MINK1: variants seen among roughly 807,000 people sequenced by gnomAD.
The protein encoded by MINK1 is misshapen like kinase 1.
Under a neutral mutation model 178.4 loss-of-function variants are expected in MINK1, and 46 were observed. That is an observed-to-expected ratio of 0.26 (90% CI 0.20 to 0.33). MINK1 has a LOEUF of 0.33. MINK1 is among the 10% of genes least tolerant of loss of function. The pLI, the probability that MINK1 is intolerant of heterozygous loss-of-function variation, is 1.00. For synonymous variants in MINK1, 797 were observed against 709.7 expected, an observed-to-expected ratio of 1.12 and a Z score of -1.96; for missense variants, 1,366 against 1,814.9, an observed-to-expected ratio of 0.75 and a Z score of 4.49.
At chr17:4,863,803 T>TTAA (rs1209229508) in intron 1 of MINK1, among the ~76,000 whole-genome samples, 1 of 151,720 alleles carries the variant, frequency 6.6e-6, no homozygotes, top group Non-Finnish European at 1.5e-5. Context: ...ATTATTATTA[T>TTAA]TTTTGAGACG....
In MINK1 at chr17:4,886,998, C is replaced by G. The variant is rs528958641; in HGVS notation, c.950-112C>G. ...CATTGCCCCCAGGAAGTGGGTGGGGCCCCTCATGCTTGCCCAGCCAGAGAG... is the reference window on the plus strand; with the variant it reads ...CATTGCCCCCAGGAAGTGGGTGGGGGCCCTCATGCTTGCCCAGCCAGAGAG... On this transcript the variant is annotated intron_variant, in intron 10 of 31. Coordinates refer to ENST00000355280, the MANE Select transcript of MINK1 (RefSeq NM_153827.5). This position sits in a 1 kb window ranked among gnomAD's most constrained non-coding sequence, Gnocchi z 6.1. 2.2e-5 allele frequency: 25 copies of G among 1,138,256 alleles called. No individual in the cohort carries two copies. Among genetic ancestry groups the G allele is most frequent in the East Asian group, 1.3e-4 (5 of 38,748 alleles). 70.5% of individuals were successfully genotyped at this position (1,138,256 alleles called of 1,614,324 possible). A position where few individuals can be genotyped will look rare whatever the true frequency, so the allele number is the denominator to read the frequency against.
chr17:4,889,959 A>G, intron 13 of MINK1, 196 bp downstream of exon 13: 2 of 526,098 alleles, frequency 3.8e-6, no homozygotes, highest in Non-Finnish European at 3.2e-6. Context: ...TCCCTGCCTC[A>G]TTCCCATCTC....
At chr17:4,870,449 C>G (rs1256086385) in intron 1 of MINK1, among the ~76,000 whole-genome samples, 2 of 151,848 alleles carry the variant, frequency 1.3e-5, no homozygotes, top group Non-Finnish European at 2.9e-5. Flanking sequence ...TTGCATTTCT[C>G]CTATTATTAG....
chr17:4,859,168 G>C, intron 1 of MINK1: 2 of 985,390 alleles, frequency 2.0e-6, no homozygotes, highest in Non-Finnish European at 2.4e-6. Context: ...GTCTCCACTG[G>C]GCTGTTTAGT....
At position 4,896,891 on chromosome 17, in the gene MINK1, G is replaced by A; in HGVS notation, c.3915+78G>A. The A allele has an allele frequency of 1.4e-6, 2 of 1,480,560 alleles. No individual in the cohort carries two copies. The highest frequency in any genetic ancestry group is 2.8e-5 in the African/African-American group (2 of 70,720). The allele number at this position is 1,480,560 out of a possible 1,614,324, so 91.7% of individuals were successfully genotyped here. On this transcript the variant is annotated intron_variant, in intron 31 of 31. Coordinates refer to ENST00000355280, the MANE Select transcript of MINK1 (RefSeq NM_153827.5). The surrounding 1 kb of genome is among the most constrained non-coding windows in gnomAD (Gnocchi z 4.6). ...AGGCCCCTGGGCAGAGTTCTGGGGA[G>A]AGGATGGTGGTGGTGGCTTCCTGAA...
Position 4,887,804 on chromosome 17 carries a change from G to C in MINK1, c.1230+14G>C. On this transcript the variant is annotated intron_variant, in intron 12 of 31. Transcript: ENST00000355280. The surrounding 1 kb of genome is among the most constrained non-coding windows in gnomAD (Gnocchi z 7.6). ...CGCGTGGAGGAGGTGGGCTGTCTCC[G>C]AAGGGCCCAGGCCTGGCGCGGCCTC... 6.7e-7 allele frequency: 1 copy of C among 1,492,060 alleles called. No homozygotes were observed. The highest frequency in any genetic ancestry group is 8.9e-7 in the Non-Finnish European group (1 of 1,119,342). 92.4% of individuals were successfully genotyped at this position (1,492,060 alleles called of 1,614,324 possible). A position where few individuals can be genotyped will look rare whatever the true frequency, so the allele number is the denominator to read the frequency against.
chr17:4,897,081 C>G lies in MINK1; in HGVS notation c.3916-123C>G, dbSNP rs1043863308. Reference sequence around the variant, plus strand: ...TCCGGGTGAGGGGCACTGTGAGTCTCCTCCTGCAGTCTCTGTGTCTCCCTC... The same window carrying G: ...TCCGGGTGAGGGGCACTGTGAGTCTGCTCCTGCAGTCTCTGTGTCTCCCTC... On this transcript the variant is annotated intron_variant, in intron 31 of 31. Transcript: ENST00000355280. 8 of 926,354 alleles carry G rather than the reference C, an allele frequency of 8.6e-6. No individual in the cohort carries two copies. In the African/African-American group the frequency reaches 9.9e-5, roughly 11 times the overall value. The allele number at this position is 926,354 out of a possible 1,614,324, so 57.4% of individuals were successfully genotyped here. A position where few individuals can be genotyped will look rare whatever the true frequency, so the allele number is the denominator to read the frequency against.
Position 4,885,666 on chromosome 17 carries a change from T to C in MINK1, c.639+53T>C. The C allele has an allele frequency of 6.2e-7, 1 of 1,608,472 alleles. No individual in the cohort carries two copies. The highest frequency in any genetic ancestry group is 2.2e-5 in the East Asian group (1 of 44,810). On this transcript the variant is annotated intron_variant, in intron 7 of 31. Coordinates refer to ENST00000355280, the MANE Select transcript of MINK1 (RefSeq NM_153827.5). The surrounding 1 kb of genome is among the most constrained non-coding windows in gnomAD (Gnocchi z 5.0). ...GGGCTGCCAAGGGCGGGAAGCAATA[T>C]GGGGACCACGGGGCCTGAGCAGGCT... is the stretch of plus-strand genomic sequence containing the variant.
At chr17:4,872,080 C>T (rs776506966) in intron 1 of MINK1, among the ~76,000 whole-genome samples, 12 of 152,000 alleles carry the variant, frequency 7.9e-5, no homozygotes, top group Non-Finnish European at 1.5e-4. Flanking sequence ...CCTGTAATCC[C>T]GCACTTTGGG....
At chr17:4,854,768 C>G in intron 1 of MINK1, 1 of 495,198 alleles carries the variant, frequency 2.0e-6, no homozygotes, top group South Asian at 1.5e-5. Flanking sequence ...CATCGATAGA[C>G]AGAGGACAAG....
At chr17:4,835,652 A>G (rs1342540738) in intron 1 of MINK1, among the ~76,000 whole-genome samples, 1 of 152,078 alleles carries the variant, frequency 6.6e-6, no homozygotes, top group African/African-American at 2.4e-5. Flanking sequence ...AAACAAAAAA[A>G]CGGGGCGGGT....
At chr17:4,840,097 A>G (rs576363264) in intron 1 of MINK1, among the ~76,000 whole-genome samples, 2 of 151,862 alleles carry the variant, frequency 1.3e-5, no homozygotes, top group East Asian at 1.9e-4. Flanking sequence ...TGTGTCATGG[A>G]AAAAAAATTG....
At chr17:4,869,553 A>G (rs907356840) in intron 1 of MINK1, among the ~76,000 whole-genome samples, 6 of 152,012 alleles carry the variant, frequency 3.9e-5, no homozygotes, top group African/African-American at 1.4e-4. Context: ...CTCACATTAC[A>G]GGCGTGGGCC....
At chr17:4,844,691 A>C in intron 1 of MINK1, 1 of 368,026 alleles carries the variant, frequency 2.7e-6, no homozygotes, top group Non-Finnish European at 5.3e-6. Flanking sequence ...CGCTGGGTAG[A>C]TCACTGTGAT....
chr17:4,833,399 G>C lies in MINK1; in HGVS notation c.-185G>C. Reference sequence around the variant, plus strand: ...TGGTAGGCTCGGGTGGCTGGCTCCGGGGAGATAGCGCCTGTCAGTCGGTGG... The same window carrying C: ...TGGTAGGCTCGGGTGGCTGGCTCCGCGGAGATAGCGCCTGTCAGTCGGTGG... On this transcript the variant is annotated 5_prime_UTR_variant, in exon 1 of 32. Coordinates refer to ENST00000355280, the MANE Select transcript of MINK1 (RefSeq NM_153827.5). This position sits in a 1 kb window ranked among gnomAD's most constrained non-coding sequence, Gnocchi z 4.8. 1.9e-6 allele frequency: 1 copy of C among 539,748 alleles called. No individual in the cohort carries two copies. 33.4% of individuals were successfully genotyped at this position (539,748 alleles called of 1,614,324 possible).
chr17:4,880,768 T>G (rs1401342042), intron 2 of MINK1, among the ~76,000 whole-genome samples: 2 of 151,434 alleles, frequency 1.3e-5, no homozygotes, highest in African/African-American at 2.4e-5. Flanking sequence ...GGCGAGGTGG[T>G]GGATGCCTGT....
Position 4,886,165 on chromosome 17 carries a change from G to A in MINK1, c.740G>A (p.Arg247Gln), listed in dbSNP as rs1005861211. The change falls in exon 9 of 32, where the codon CGG becomes CAG. Residue 247 changes from arginine to glutamine, a missense_variant. By Grantham distance (43) the Arg-to-Gln change is conservative (BLOSUM62 1). Transcript: ENST00000355280. This position sits in a 1 kb window ranked among gnomAD's most constrained non-coding sequence, Gnocchi z 6.1. ...HPMRALFLIP[R>Q]NPPPRLKSKK... ...ATGCGAGCCCTCTTCCTCATTCCTC[G>A]GAACCCTCCGCCCAGGCTCAAGTCC... The A allele has an allele frequency of 2.5e-6, 4 of 1,613,842 alleles. No individual in the cohort carries two copies. Among genetic ancestry groups the A allele is most frequent in the Non-Finnish European group, 3.4e-6 (4 of 1,179,880 alleles).
At chr17:4,868,537 T>C (rs1238014613) in intron 1 of MINK1, among the ~76,000 whole-genome samples, 1 of 152,210 alleles carries the variant, frequency 6.6e-6, no homozygotes, top group African/African-American at 2.4e-5. Context: ...CTGGTGTATT[T>C]CACTTAACAT....
chr17:4,891,194 A>C, intron 15 of MINK1, 70 bp downstream of exon 15: 1 of 1,068,560 alleles, frequency 9.4e-7, no homozygotes, highest in Non-Finnish European at 1.3e-6. Flanking sequence ...GTACACACAC[A>C]CGCGCGCACA....
Sources: gnomAD v4.1 joint callset for allele counts (sites outside exome capture counted in the v4.1 genomes callset) on GRCh38, gnomAD v4.1.1 for gene constraint, Gnocchi (gnomAD v3.1) non-coding constraint, MANE v1.5 for transcripts, NCBI Gene and HGNC (gene_info 2026-07-23, HGNC 2026-07-21) for gene names.